The following SORT1 variants were observed in gnomAD, a reference collection of about 807,000 sequenced individuals.
The protein encoded by SORT1 is sortilin 1, also known as sortilin.
In SORT1, 39 loss-of-function variants were observed where a neutral mutation model predicts 101.7. The observed-to-expected ratio is 0.38, with a 90% CI of 0.30 to 0.50. The LOEUF is 0.50. Among genes scored for constraint, SORT1 ranks in the 20% least tolerant of loss-of-function variants. SORT1 has a pLI of 0.90. For synonymous variants in SORT1, 396 were observed against 393.7 expected (o/e 1.01, Z -0.07); for missense variants, 878 against 1,040.4 (o/e 0.84, Z 2.15).
At chr1:109,341,108 T>C (rs1649189737) in intron 9 of SORT1, among the ~76,000 whole-genome samples, 1 of 152,152 alleles carries the variant, frequency 6.6e-6, no homozygotes, top group Admixed American at 6.5e-5. Context: ...AGATGCTGAG[T>C]TTGTTGAATA....
intron 15 of SORT1, among the ~76,000 whole-genome samples, chr1:109,321,654 C>T (rs1351425802): frequency 6.6e-6 from 1 of 152,194 alleles, no homozygotes; most frequent in Non-Finnish European, 1.5e-5. Context: ...CTATATTCTA[C>T]TGTCACCTGC....
At chr1:109,357,200 A>G (rs1376980671) in intron 3 of SORT1, among the ~76,000 whole-genome samples, 1 of 152,238 alleles carries the variant, frequency 6.6e-6, no homozygotes, top group Non-Finnish European at 1.5e-5. Flanking sequence ...GTTATACCAT[A>G]TAGCTGTGGT....
At chr1:109,342,789 C>T (rs565950777) in intron 8 of SORT1, among the ~76,000 whole-genome samples, 3 of 152,018 alleles carry the variant, frequency 2.0e-5, no homozygotes, top group East Asian at 1.9e-4. Flanking sequence ...ATTTGGCTGA[C>T]GAAAAGAGTC....
Position 109,336,268 on chromosome 1 carries a change from C to T in SORT1, c.1343G>A (p.Cys448Tyr). ...ATTCTTGTTTTTTGCTGTAGCATCA[C>T]ATTCACTGTTTTCAGGCTTCCTCAG... ...THLRKPENSE[C>Y]DATAKNKNEC... Residue 448 changes from cysteine (C) to tyrosine (Y), a missense_variant, in exon 11 of 20, where the codon TGT (cysteine) becomes TAT (tyrosine). Physicochemically the swap from Cys to Tyr is radical, Grantham distance 194. This residue lies in a region of SORT1 where 684 missense variants were observed against 894.5 expected (regional missense o/e 0.76). Transcript: ENST00000256637. 6.2e-7 allele frequency: 1 copy of T among 1,612,908 alleles called. No homozygotes were observed. Among genetic ancestry groups the T allele is most frequent in the Non-Finnish European group, 8.5e-7 (1 of 1,178,814 alleles).
At chr1:109,363,428 A>T (rs1650871342) in intron 3 of SORT1, among the ~76,000 whole-genome samples, 1 of 152,222 alleles carries the variant, frequency 6.6e-6, no homozygotes, top group Admixed American at 6.5e-5. Flanking sequence ...CCTTAAATGG[A>T]AAATATGCAT....
chr1:109,338,882 CT>C (rs879587000), intron 10 of SORT1, among the ~76,000 whole-genome samples: 288 of 144,586 alleles, frequency 2.0e-3, no homozygotes, highest in Middle Eastern at 3.6e-3. Context: ...GACTCTGATA[CT>C]TTTTTTTTTT....
chr1:109,320,747 T>A (rs1349224008), intron 15 of SORT1, among the ~76,000 whole-genome samples: 1 of 152,232 alleles, frequency 6.6e-6, no homozygotes. Context: ...TTTCATTACC[T>A]GCGCATAGCT....
chr1:109,347,052 G>A (rs915518696), intron 7 of SORT1, among the ~76,000 whole-genome samples: 3 of 152,176 alleles, frequency 2.0e-5, no homozygotes, highest in Non-Finnish European at 4.4e-5. Context: ...CCTTAGAACA[G>A]TGTTTAGCAT....
intron 2 of SORT1, 59 bp from the exon 3 acceptor site, chr1:109,367,540 T>G (rs1352647647): frequency 9.0e-7 from 1 of 1,116,358 alleles, no homozygotes; most frequent in Admixed American, 1.8e-5. Flanking sequence ...CATGCTGATA[T>G]GTGTTCGAGA....
At chr1:109,347,603 A>C in intron 6 of SORT1, 71 bp from the exon 7 acceptor site, 2 of 1,093,364 alleles carry the variant, frequency 1.8e-6, no homozygotes, top group Non-Finnish European at 1.4e-6. Flanking sequence ...CCTTACTCAC[A>C]AACTTCCTAG....
intron 1 of SORT1, chr1:109,393,079 G>C: frequency 1.0e-6 from 1 of 985,358 alleles, no homozygotes; most frequent in African/African-American, 1.7e-5. Flanking sequence ...AACAGGCCGA[G>C]GTCTTCAGCG....
intron 9 of SORT1, among the ~76,000 whole-genome samples, chr1:109,341,487 T>C (rs1247003193): frequency 4.6e-5 from 7 of 151,978 alleles, no homozygotes; most frequent in Non-Finnish European, 1.0e-4. Flanking sequence ...GCTGGGACTA[T>C]AGGTGCTCGC....
rs1647890145 is a variant in SORT1, at chr1:109,324,957, GA to G, written c.1775del (p.Phe592SerfsTer2). On this transcript the variant is annotated frameshift_variant, in exon 14 of 20. Transcript: ENST00000256637. LOFTEE classifies it high-confidence loss of function. ...NISIWGFTESFLTSQWVSYTI... is the reference protein window; with the variant it reads ...NISIWGFTESXLTSQWVSYTI... ...TGTAGGAGACCCACTGGCTGGTCAG[GA>G]AAGATTCTGTGAAGCCCCAAATGCT... The G allele has an allele frequency of 6.2e-7, 1 of 1,613,696 alleles. No individual in the cohort carries two copies. Among genetic ancestry groups the G allele is most frequent in the African/African-American group, 1.3e-5 (1 of 74,910 alleles).
chr1:109,340,911 TC>T (rs745443213), intron 9 of SORT1, 32 bp from the exon 10 acceptor site: 3 of 1,572,744 alleles, frequency 1.9e-6, no homozygotes, highest in South Asian at 1.2e-5. Flanking sequence ...AAATACTAAG[TC>T]TTGGGTGGAA....
At chr1:109,344,733 T>C (rs1175810136) in intron 8 of SORT1, among the ~76,000 whole-genome samples, 1 of 152,194 alleles carries the variant, frequency 6.6e-6, no homozygotes, top group African/African-American at 2.4e-5. Flanking sequence ...TCTTGTGCTG[T>C]TACCCAGGCT....
chr1:109,358,766 T>G (rs1321102208), intron 3 of SORT1, among the ~76,000 whole-genome samples: 2 of 151,742 alleles, frequency 1.3e-5, no homozygotes, highest in Non-Finnish European at 2.9e-5. Flanking sequence ...AGGCAGAGAA[T>G]TGCTTGACCC....
chr1:109,360,725 G>A (rs1297653729), intron 3 of SORT1, among the ~76,000 whole-genome samples: 1 of 152,168 alleles, frequency 6.6e-6, no homozygotes, highest in Non-Finnish European at 1.5e-5. Flanking sequence ...CCTCTTCCCA[G>A]ACACGCTGGG....
chr1:109,354,303 C>T, intron 5 of SORT1, 64 bp downstream of exon 5: 1 of 1,266,750 alleles, frequency 7.9e-7, no homozygotes, highest in Non-Finnish European at 1.1e-6. Flanking sequence ...AAGGATCCTT[C>T]TAAGACAGTA....
intron 15 of SORT1, among the ~76,000 whole-genome samples, chr1:109,321,877 C>G (rs1354673984): frequency 6.6e-6 from 1 of 152,168 alleles, no homozygotes; most frequent in Non-Finnish European, 1.5e-5. Flanking sequence ...ATATAATCAA[C>G]TAACCCAATG....
Sources: gnomAD v4.1 joint callset for allele counts (sites outside exome capture counted in the v4.1 genomes callset) on GRCh38, gnomAD v4.1.1 for gene constraint, gnomAD v4.1.1 regional missense constraint, MANE v1.5 for transcripts, NCBI Gene and HGNC (gene_info 2026-07-23, HGNC 2026-07-21) for gene names.